The following REEP5 variants were observed in gnomAD, a reference collection of about 807,000 sequenced individuals.
REEP5 encodes the protein receptor accessory protein 5.
In REEP5, 24 loss-of-function variants were observed where a neutral mutation model predicts 22.4. The observed-to-expected ratio is 1.07, with a 90% confidence interval of 0.78 to 1.51. The LOEUF (loss-of-function observed/expected upper bound fraction) is 1.51. Ranked by LOEUF, REEP5 falls within the 40% of genes most tolerant of loss-of-function variation. The pLI, the probability that REEP5 is intolerant of heterozygous loss-of-function variation, is 0.00. For synonymous variants in REEP5, 103 were observed against 88.6 expected, an observed-to-expected ratio of 1.16 and a Z score of -0.92; for missense variants, 252 against 233.0, an observed-to-expected ratio of 1.08 and a Z score of -0.53.
chr5:112,907,207 C>T (rs1768975455), intron 2 of REEP5, among the ~76,000 whole-genome samples: 1 of 152,172 alleles, frequency 6.6e-6, no homozygotes, highest in African/African-American at 2.4e-5. Flanking sequence ...ACAATTCCTA[C>T]CACTCTCTCC....
intron 2 of REEP5, among the ~76,000 whole-genome samples, chr5:112,917,901 G>A (rs1024714770): frequency 3.3e-5 from 5 of 152,190 alleles, no homozygotes; most frequent in African/African-American, 1.2e-4. Context: ...TGATAAAAAT[G>A]TTTTGGAATT....
intron 2 of REEP5, among the ~76,000 whole-genome samples, chr5:112,914,245 C>A (rs1405422572): frequency 6.6e-6 from 1 of 151,092 alleles, no homozygotes; most frequent in Non-Finnish European, 1.5e-5. Flanking sequence ...TCCTCAGCCT[C>A]CCAAGTGTGT....
chr5:112,889,528 A>G (rs2150037794), intron 3 of REEP5, among the ~76,000 whole-genome samples: 1 of 151,010 alleles, frequency 6.6e-6, no homozygotes, highest in East Asian at 2.0e-4. Context: ...TACGTAAATT[A>G]TATCTAACTT....
intron 4 of REEP5, among the ~76,000 whole-genome samples, chr5:112,884,848 C>G (rs1768193418): frequency 6.6e-6 from 1 of 151,276 alleles, no homozygotes; most frequent in South Asian, 2.1e-4. Flanking sequence ...ATCTAATTTT[C>G]AATTTTACTG....
intron 3 of REEP5, chr5:112,893,964 T>C (rs141256894): frequency 2.0e-5 from 3 of 152,226 alleles, no homozygotes; most frequent in South Asian, 2.1e-4. Context: ...CGCATTTGCA[T>C]TGACCCAAAA....
Position 112,921,259 on chromosome 5 carries a change from G to A in REEP5, c.119-3C>T, listed in dbSNP as rs367944381. On this transcript the variant is annotated splice_region_variant and splice_polypyrimidine_tract_variant and intron_variant, in intron 1 of 4. Transcript: ENST00000379638. Reference sequence around the variant, plus strand: ...CAAGGCCACCAGTCCGATGACACCTGGGGACCACAAGGAGAGAAGTGGGTC... The same window carrying A: ...CAAGGCCACCAGTCCGATGACACCTAGGGACCACAAGGAGAGAAGTGGGTC... 10 of 1,613,812 alleles carry A rather than the reference G, an allele frequency of 6.2e-6. No homozygotes were observed. Among genetic ancestry groups the A allele is most frequent in the Non-Finnish European group, 8.5e-6 (10 of 1,179,908 alleles).
Position 112,878,627 on chromosome 5 carries a change from A to C in REEP5, c.*159T>G, listed in dbSNP as rs1767968825. ...AGTGCTCCCTATATATATAGACAGT[A>C]AAAGTAAGCAAAGAAACTTACAACA... On this transcript the variant is annotated 3_prime_UTR_variant, in exon 5 of 5. Coordinates refer to ENST00000379638, the MANE Select transcript of REEP5 (RefSeq NM_005669.5). The C allele has an allele frequency of 9.2e-7, 1 of 1,084,862 alleles. No homozygotes were observed. The highest frequency in any genetic ancestry group is 2.9e-5 in the Admixed American group (1 of 34,584). 67.2% of individuals were successfully genotyped at this position (1,084,862 alleles called of 1,614,324 possible).
At chr5:112,906,696 A>T (rs1241213825) in intron 2 of REEP5, among the ~76,000 whole-genome samples, 1 of 152,206 alleles carries the variant, frequency 6.6e-6, no homozygotes, top group Non-Finnish European at 1.5e-5. Flanking sequence ...ATCCATCTAC[A>T]GAACTTATTA....
At chr5:112,883,894 C>T (rs990151991) in intron 4 of REEP5, among the ~76,000 whole-genome samples, 8 of 152,124 alleles carry the variant, frequency 5.3e-5, no homozygotes, top group African/African-American at 1.9e-4. Flanking sequence ...TGTCCTTAAC[C>T]CCTCTGACCC....
Position 112,891,148 on chromosome 5 carries a change from C to G in REEP5, c.352-3965G>C, listed in dbSNP as rs1041087541. Among the ~76,000 whole-genome samples, 47 of 142,188 alleles carry G rather than the reference C, an allele frequency of 3.3e-4. 5 individuals are homozygous for G. Among genetic ancestry groups the G allele is most frequent in the African/African-American group, 1.3e-3 (47 of 35,116 alleles). The allele number at this position is 142,188 out of a possible 152,430, so 93.3% of individuals were successfully genotyped here. A position where few individuals can be genotyped will look rare whatever the true frequency, so the allele number is the denominator to read the frequency against. ...AGTGTAGTGGCACAGTCTTGGCTCACTGCAACCTCTGCCTCCTGGGTTCAA... is the reference window on the plus strand; with the variant it reads ...AGTGTAGTGGCACAGTCTTGGCTCAGTGCAACCTCTGCCTCCTGGGTTCAA... On this transcript the variant is annotated intron_variant, in intron 3 of 4. Coordinates refer to ENST00000379638, the MANE Select transcript of REEP5 (RefSeq NM_005669.5).
chr5:112,910,684 C>A (rs1769083127), intron 2 of REEP5, among the ~76,000 whole-genome samples: 2 of 152,300 alleles, frequency 1.3e-5, no homozygotes, highest in East Asian at 3.9e-4. Flanking sequence ...CTATTCACTG[C>A]TGAATGATGG....
intron 2 of REEP5, among the ~76,000 whole-genome samples, chr5:112,908,800 C>A (rs1580751352): frequency 6.6e-6 from 1 of 152,136 alleles, no homozygotes; most frequent in African/African-American, 2.4e-5. Flanking sequence ...CGTGATCCGC[C>A]CACCTCGGCC....
At chr5:112,894,502 T>C (rs750218160) in intron 3 of REEP5, 3 of 152,218 alleles carry the variant, frequency 2.0e-5, no homozygotes, top group Non-Finnish European at 2.9e-5. Context: ...CAAAATGCAA[T>C]ACAACATTAT....
chr5:112,902,255 C>T, intron 3 of REEP5, 125 bp downstream of exon 3: 1 of 1,033,240 alleles, frequency 9.7e-7, no homozygotes. Context: ...CGCTCTGTTG[C>T]CCAGGCCTGT....
At chr5:112,921,007 T>C (rs1401087452) in intron 2 of REEP5, among the ~76,000 whole-genome samples, 156 bp downstream of exon 2, 1 of 152,150 alleles carries the variant, frequency 6.6e-6, no homozygotes, top group East Asian at 1.9e-4. Context: ...GGTTCCAAAA[T>C]GGTGAATACT....
chr5:112,879,336 G>C (rs1466733339), intron 4 of REEP5, among the ~76,000 whole-genome samples: 1 of 57,644 alleles, frequency 1.7e-5, no homozygotes, highest in Non-Finnish European at 3.3e-5. Flanking sequence ...GGGGGGGGGG[G>C]CTGGGGGGGC....
chr5:112,903,882 G>A (rs1455806210), intron 2 of REEP5, among the ~76,000 whole-genome samples: 5 of 152,206 alleles, frequency 3.3e-5, no homozygotes, highest in Admixed American at 1.3e-4. Context: ...ACAGGCTGGA[G>A]TGCAGTTGCA....
rs17135166 is a variant in REEP5 at position 112,910,692 on chromosome 5, T to C, written c.213-8174A>G. On this transcript the variant is annotated intron_variant, in intron 2 of 4. Transcript: ENST00000379638. The stretch of plus-strand genomic sequence containing the variant: ...CAGTTAACTATTCACTGCTGAATGA[T>C]GGTCACCAGCATGATCAGATTGTCA... Among the ~76,000 whole-genome samples the C allele has an allele frequency of 9.1e-3, 1,392 of 152,346 alleles. 23 individuals carry two copies. The highest frequency in any genetic ancestry group is 0.032 in the African/African-American group (1,339 of 41,588).
At position 112,878,829 on chromosome 5, in the gene REEP5, T is replaced by A; in HGVS notation, c.527A>T (p.Lys176Ile). The A allele has an allele frequency of 6.2e-7, 1 of 1,614,126 alleles. No homozygotes were observed. ...TTCACCCAGTAAATTCACGGTAGCT[T>A]TCTTCGCTGTTTGTTTGTTAGGAGG... is the stretch of plus-strand genomic sequence containing the variant. ...TADAITKEAK[K>I]ATVNLLGEEK... is the part of the protein sequence containing the mutation. The change falls in exon 5 of 5, where the codon AAA (lysine) becomes ATA (isoleucine). Residue 176 changes from lysine to isoleucine, a missense_variant. Physicochemically the swap from Lys to Ile is moderately radical, Grantham distance 102. Transcript: ENST00000379638.
Sources: allele counts gnomAD v4.1 joint callset (sites outside exome capture counted in the v4.1 genomes callset), GRCh38; gene constraint gnomAD v4.1.1; transcripts MANE v1.5; gene names NCBI Gene and HGNC (gene_info 2026-07-23, HGNC 2026-07-21).